HNRNPK: variants seen among roughly 807,000 people sequenced by gnomAD.
HNRNPK encodes dC-stretch binding protein.
HNRNPK carries 7 observed loss-of-function variants against 67.0 expected under a neutral mutation model. The observed-to-expected ratio is 0.10, with a 90% CI of 0.06 to 0.20. The LOEUF is 0.20. HNRNPK is among the 10% of genes least tolerant of loss of function. The pLI is 1.00. For missense variants in HNRNPK, 264 were observed against 606.5 expected (o/e 0.44, Z 5.93); for synonymous variants, 213 against 193.7 (o/e 1.10, Z -0.83).
chr9:83,974,544 C>A lies in HNRNPK; in HGVS notation c.303G>T (p.Leu101=). 6.3e-7 allele frequency: 1 copy of A among 1,596,856 alleles called. No homozygotes were observed. The highest frequency in any genetic ancestry group is 1.1e-5 in the South Asian group (1 of 90,566). ...CTTCCAAGGTAGGGATGATTTTCTT[C>A]AGAATTTCTCCAATTGTTTCAATAT... ...SADIETIGEI[L]KKIIPTLEEG... Residue 101 remains leucine (L), a synonymous_variant, in exon 7 of 17, where the codon CTG becomes CTT. Coordinates refer to ENST00000376263, the MANE Select transcript of HNRNPK (RefSeq NM_031263.4).
chr9:83,974,359 AC>A (rs1181220040), intron 7 of HNRNPK, among the ~76,000 whole-genome samples, 157 bp downstream of exon 7: 112 of 149,284 alleles, frequency 7.5e-4, no homozygotes, highest in African/African-American at 2.6e-3. Flanking sequence ...AAAAAAAAAA[AC>A]AAATTACGCA....
chr9:83,979,359 G>C (rs973461690), intron 1 of HNRNPK, among the ~76,000 whole-genome samples: 2 of 152,238 alleles, frequency 1.3e-5, no homozygotes, highest in Non-Finnish European at 2.9e-5. Context: ...GGTGGGAGAA[G>C]AGTTGGATAA....
At chr9:83,971,088 A>G in intron 13 of HNRNPK, 176 bp from the exon 14 acceptor site, 2 of 735,724 alleles carry the variant, frequency 2.7e-6, no homozygotes, top group South Asian at 3.3e-5. Flanking sequence ...ATTATGAGTG[A>G]GCACCACTGC....
intron 1 of HNRNPK, 150 bp from the exon 2 acceptor site, chr9:83,978,602 C>A: frequency 5.2e-6 from 1 of 191,820 alleles, no homozygotes; most frequent in Non-Finnish European, 1.1e-5. Context: ...ATTCAAATGA[C>A]TGCCTAAAAA....
At chr9:83,972,583 CAT>C (rs1422991457) in intron 10 of HNRNPK, among the ~76,000 whole-genome samples, 1 of 152,176 alleles carries the variant, frequency 6.6e-6, no homozygotes, top group East Asian at 1.9e-4. Flanking sequence ...AGCCCTGCAG[CAT>C]AGTTACAAAG....
rs1288496397 is a variant in HNRNPK at position 83,968,297 on chromosome 9, C to T, written c.*1110G>A. 6.6e-6 allele frequency: 1 copy of T among 151,482 alleles called. No individual in the cohort carries two copies. Among genetic ancestry groups the T allele is most frequent in the Non-Finnish European group, 1.5e-5 (1 of 67,818 alleles). The allele number at this position is 151,482 out of a possible 1,614,324, so 9.4% of individuals were successfully genotyped here. On this transcript the variant is annotated 3_prime_UTR_variant, in exon 17 of 17. Transcript: ENST00000376263. ...ATCTTTTTTTTTTTTGAATTGTACACAAACATTTCCTACATAATCCAACAT... is the reference window on the plus strand; with the variant it reads ...ATCTTTTTTTTTTTTGAATTGTACATAAACATTTCCTACATAATCCAACAT...
chr9:83,971,862 C>CA lies in HNRNPK; in HGVS notation c.953+19dup. 6.4e-7 allele frequency: 1 copy of CA among 1,555,402 alleles called. No individual in the cohort carries two copies. Among genetic ancestry groups the CA allele is most frequent in the African/African-American group, 1.4e-5 (1 of 72,266 alleles). On this transcript the variant is annotated intron_variant, in intron 11 of 16. Coordinates refer to ENST00000376263, the MANE Select transcript of HNRNPK (RefSeq NM_031263.4). ...TAGATGGGGGAAGAAAAAACAACAA[C>CA]AACAAAAAAAACAACTTACCCCCCT...
chr9:83,971,738 G>GT lies in HNRNPK; in HGVS notation c.954-13dup. The GT allele has an allele frequency of 6.2e-7, 1 of 1,612,646 alleles. No homozygotes were observed. Among genetic ancestry groups the GT allele is most frequent in the Non-Finnish European group, 8.5e-7 (1 of 1,178,670 alleles). On this transcript the variant is annotated splice_polypyrimidine_tract_variant and intron_variant, in intron 11 of 16. Coordinates refer to ENST00000376263, the MANE Select transcript of HNRNPK (RefSeq NM_031263.4). ...AGGCCATGAGGTCTCTGCAAGCATA[G>GT]TACTTGTTGTAATCTAAACGTGCTT... is the stretch of plus-strand genomic sequence containing the variant.
rs41307445 is a variant in HNRNPK, at chr9:83,980,146, T to C, written c.-108+7A>G. ...CCACGAGCCGCTCCCCCAACCCGGC[T>C]CCTCACCGCGCGAGACTGCCGTCCC... On this transcript the variant is annotated splice_region_variant and intron_variant, in intron 1 of 16. Coordinates refer to ENST00000376263, the MANE Select transcript of HNRNPK (RefSeq NM_031263.4). 1,044 of 152,412 alleles carry C rather than the reference T, an allele frequency of 6.8e-3. 9 individuals carry two copies. The highest frequency in any genetic ancestry group is 0.01 in the Non-Finnish European group (696 of 68,262). The allele number at this position is 152,412 out of a possible 1,614,324, so 9.4% of individuals were successfully genotyped here.
intron 6 of HNRNPK, among the ~76,000 whole-genome samples, chr9:83,975,153 T>A (rs867808343): frequency 6.6e-6 from 1 of 152,156 alleles, no homozygotes; most frequent in African/African-American, 2.4e-5. Context: ...ACAGGCAATG[T>A]TGGGAAGCAA....
intron 7 of HNRNPK, 37 bp from the exon 8 acceptor site, chr9:83,974,010 C>CTAG (rs1469530100): frequency 5.8e-6 from 8 of 1,382,558 alleles, no homozygotes; most frequent in Middle Eastern, 3.6e-4. Flanking sequence ...GGTTAAGTGT[C>CTAG]TAGCGTGATC....
chr9:83,975,396 G>A, intron 6 of HNRNPK, 66 bp downstream of exon 6: 4 of 1,340,598 alleles, frequency 3.0e-6, no homozygotes, highest in Non-Finnish European at 4.3e-6. Context: ...TTATATAAAA[G>A]GCAGGTAATA....
intron 10 of HNRNPK, among the ~76,000 whole-genome samples, chr9:83,972,468 C>A (rs563432223): frequency 1.3e-5 from 2 of 152,150 alleles, no homozygotes; most frequent in Non-Finnish European, 2.9e-5. Context: ...ACCACAAAGC[C>A]CTCCCATTTT....
At chr9:83,979,962 C>G (rs1304494343) in intron 1 of HNRNPK, among the ~76,000 whole-genome samples, 191 bp downstream of exon 1, 1 of 152,220 alleles carries the variant, frequency 6.6e-6, no homozygotes, top group African/African-American at 2.4e-5. Flanking sequence ...CCCCAAGTCT[C>G]TAGGACCACA....
intron 12 of HNRNPK, 88 bp from the exon 13 acceptor site, chr9:83,971,444 A>C (rs1956835592): frequency 2.1e-6 from 2 of 965,656 alleles, no homozygotes; most frequent in Non-Finnish European, 3.3e-6. Flanking sequence ...TGTTACATTA[A>C]AACAAAAGAG....
At chr9:83,970,600 G>C in intron 15 of HNRNPK, 137 bp downstream of exon 15, 1 of 688,740 alleles carries the variant, frequency 1.5e-6, no homozygotes, top group African/African-American at 1.8e-5. Context: ...TGAAAACCCA[G>C]CTCACTAAAG....
At chr9:83,971,216 G>T in intron 13 of HNRNPK, 57 bp downstream of exon 13, 3 of 1,142,312 alleles carry the variant, frequency 2.6e-6, no homozygotes, top group African/African-American at 1.5e-5. Context: ...TTACTGGAGA[G>T]CAGGTAAGCA....
At chr9:83,971,387 C>T (rs111450543) in intron 12 of HNRNPK, 31 bp from the exon 13 acceptor site, 12 of 1,432,150 alleles carry the variant, frequency 8.4e-6, no homozygotes, top group East Asian at 6.8e-5. Context: ...AACATGAACC[C>T]GCATTGTATT....
chr9:83,971,021 G>T (rs1956809884), intron 13 of HNRNPK, 109 bp from the exon 14 acceptor site: 3 of 1,134,084 alleles, frequency 2.6e-6, no homozygotes, highest in Non-Finnish European at 3.9e-6. Context: ...TGCCCAGGCT[G>T]GTCTCAAACT....
Sources: gnomAD v4.1 joint callset for allele counts (sites outside exome capture counted in the v4.1 genomes callset) on GRCh38, gnomAD v4.1.1 for gene constraint, MANE v1.5 for transcripts, NCBI Gene and HGNC (gene_info 2026-07-23, HGNC 2026-07-21) for gene names.